The following ABCA5 variants were observed in gnomAD, a reference collection of about 807,000 sequenced individuals.
ABCA5 encodes the protein ATP binding cassette subfamily A member 5.
Under a neutral mutation model 206.0 loss-of-function variants are expected in ABCA5, and 163 were observed. That is an observed-to-expected ratio of 0.79 (90% confidence interval 0.70 to 0.90). ABCA5 has a LOEUF of 0.90. Among genes scored for constraint, ABCA5 ranks in the 40% least tolerant of loss-of-function variants. ABCA5 has a pLI of 0.00. For synonymous variants in ABCA5, 609 were observed against 613.8 expected, an observed-to-expected ratio of 0.99 and a Z score of 0.11; for missense variants, 1,859 against 1,912.9, an observed-to-expected ratio of 0.97 and a Z score of 0.53.
chr17:69,253,916 C>T (rs1217202845), intron 32 of ABCA5, 47 bp from the exon 33 acceptor site: 1 of 1,445,212 alleles, frequency 6.9e-7, no homozygotes, highest in East Asian at 2.3e-5. Flanking sequence ...TATATATAAA[C>T]ACAAATACCA....
At position 69,314,313 on chromosome 17, in the gene ABCA5, C is replaced by T. The variant is rs1023151670; in HGVS notation, c.102+1G>A. On this transcript the variant is annotated splice_donor_variant, in intron 2 of 38. Coordinates refer to ENST00000392676, the MANE Select transcript of ABCA5 (RefSeq NM_172232.4). LOFTEE classifies it high-confidence loss of function. ...GCATAAGAAAGAGTTATTTAACTTA[C>T]CTGAACACTACTCTTTTTGGTTCTG... 1.2e-6 allele frequency: 2 copies of T among 1,603,626 alleles called. No individual in the cohort carries two copies. Among genetic ancestry groups the T allele is most frequent in the Admixed American group, 3.3e-5 (2 of 59,748 alleles).
Position 69,290,022 on chromosome 17 carries a change from T to C in ABCA5, c.1622A>G (p.Tyr541Cys), listed in dbSNP as rs376475787. 3.8e-5 allele frequency: 60 copies of C among 1,591,806 alleles called. No homozygotes were observed. The highest frequency in any genetic ancestry group is 1.1e-4 in the East Asian group (5 of 44,346). The part of the protein sequence containing the change: ...CPPSDGFASI[Y>C]GHRVSEIDEM... ...ATCTATTTCTGAGACTCTGTGTCCA[T>C]ATATAGATGCAAACCCTAAAAGCAA... is the stretch of plus-strand genomic sequence containing the variant. The change falls in exon 13 of 39, where the codon TAT (tyrosine) becomes TGT (cysteine). Residue 541 changes from tyrosine (Y) to cysteine (C), a missense_variant. Tyr to Cys is a radical substitution (Grantham distance 194, BLOSUM62 -2). Transcript: ENST00000392676.
intron 34 of ABCA5, among the ~76,000 whole-genome samples, chr17:69,253,106 G>A (rs1446958104): frequency 2.6e-5 from 4 of 152,058 alleles, no homozygotes; most frequent in East Asian, 3.9e-4. Context: ...GTGTGTAGTA[G>A]GCTATAACCA....
At position 69,287,667 on chromosome 17, in the gene ABCA5, T is replaced by C; in HGVS notation, c.1987A>G (p.Asn663Asp). 6.2e-7 allele frequency: 1 copy of C among 1,613,978 alleles called. No homozygotes were observed. Among genetic ancestry groups the C allele is most frequent in the Non-Finnish European group, 8.5e-7 (1 of 1,179,908 alleles). The part of the protein sequence containing the change: ...VWNLLKYRKA[N>D]RVTVFSTHFM... The stretch of plus-strand genomic sequence containing the variant: ...TGAGTACTGAACACTGTCACCCGAT[T>C]GGCTTTTCTGTATTTTAAAAGATTC... Residue 663 changes from asparagine (N) to aspartate (D), a missense_variant, in exon 15 of 39, where the codon AAT (asparagine) becomes GAT (aspartate). By Grantham distance (23) the Asn-to-Asp change is conservative. Coordinates refer to ENST00000392676, the MANE Select transcript of ABCA5 (RefSeq NM_172232.4).
chr17:69,274,133 A>T lies in ABCA5; in HGVS notation c.2595-5T>A. ...AAAATTAAAAGCAGAAGCAACCTGA[A>T]AAGAAAAAAAAAACAACACAGCTCA... On this transcript the variant is annotated splice_polypyrimidine_tract_variant and splice_region_variant and intron_variant, in intron 19 of 38. Transcript: ENST00000392676. The T allele has an allele frequency of 6.4e-7, 1 of 1,565,542 alleles. No homozygotes were observed. The highest frequency in any genetic ancestry group is 8.6e-7 in the Non-Finnish European group (1 of 1,165,348).
Position 69,267,996 on chromosome 17 carries a change from T to C in ABCA5, c.3091A>G (p.Ile1031Val), listed in dbSNP as rs532229103. ...LYFQAALLGI[I>V]VTAMPPYFAM... is the part of the protein sequence containing the mutation. Reference sequence around the variant, plus strand: ...AAGTAAGGTGGCATTGCAGTAACAATGATTCCAAGCAAAGCTGCTTGAAAA... The same window carrying C: ...AAGTAAGGTGGCATTGCAGTAACAACGATTCCAAGCAAAGCTGCTTGAAAA... The change falls in exon 23 of 39, where the codon ATT becomes GTT. Residue 1031 changes from isoleucine (I) to valine (V), a missense_variant. Transcript: ENST00000392676. 32 of 1,612,400 alleles carry C rather than the reference T, an allele frequency of 2.0e-5. 1 individual carries two copies. The East Asian group carries it at 2.0e-4, about 10-fold the overall frequency.
intron 36 of ABCA5, 116 bp downstream of exon 36, chr17:69,250,356 T>G (rs1242201117): frequency 1.1e-4 from 57 of 542,542 alleles, no homozygotes; most frequent in South Asian, 2.1e-4. Context: ...CACACAGAGA[T>G]ATATATATAT....
chr17:69,289,069 T>G, intron 14 of ABCA5, 108 bp downstream of exon 14: 1 of 1,090,434 alleles, frequency 9.2e-7, no homozygotes, highest in Non-Finnish European at 1.3e-6. Context: ...ACATACAGCA[T>G]TTTATGTACA....
chr17:69,306,354 G>T (rs567116261), intron 6 of ABCA5, among the ~76,000 whole-genome samples: 89 of 152,078 alleles, frequency 5.9e-4, no homozygotes, highest in African/African-American at 2.1e-3. Context: ...ACTGTAACAA[G>T]CAATTAATTT....
At chr17:69,252,075 G>T (rs553754046) in intron 34 of ABCA5, among the ~76,000 whole-genome samples, 2 of 149,036 alleles carry the variant, frequency 1.3e-5, no homozygotes, top group East Asian at 4.0e-4. Context: ...GAAGTGGCCC[G>T]ATCTCGGCTC....
rs764546589 is a variant in ABCA5 at position 69,308,309 on chromosome 17, G to T, written c.529C>A (p.Gln177Lys). ...QYWSSGFTVL[Q>K]ASIDAAIIQL... The stretch of plus-strand genomic sequence containing the variant: ...ATAATGGCAGCATCTATGGATGCTT[G>T]TAAAACTGTGAAACCTGAGGACCAG... Residue 177 changes from glutamine to lysine, a missense_variant, in exon 5 of 39, where the codon CAA becomes AAA. Coordinates refer to ENST00000392676, the MANE Select transcript of ABCA5 (RefSeq NM_172232.4). 1 of 1,611,160 alleles carries T rather than the reference G, an allele frequency of 6.2e-7. No homozygotes were observed. Among genetic ancestry groups the T allele is most frequent in the South Asian group, 1.1e-5 (1 of 90,846 alleles).
chr17:69,266,109 T>C (rs1436367041), intron 23 of ABCA5, among the ~76,000 whole-genome samples: 1 of 152,198 alleles, frequency 6.6e-6, no homozygotes, highest in Non-Finnish European at 1.5e-5. Flanking sequence ...GAATGGATTA[T>C]TGATAAATAC....
At position 69,309,249 on chromosome 17, in the gene ABCA5, T is replaced by C. The variant is rs778942950; in HGVS notation, c.469+13A>G. 4.9e-5 allele frequency: 75 copies of C among 1,536,806 alleles called. No homozygotes were observed. The highest frequency in any genetic ancestry group is 6.1e-5 in the Non-Finnish European group (70 of 1,147,188). Reference sequence around the variant, plus strand: ...ATTTAATTGATCTTCAATGATTATGTAGGGCTATTTACCTCTTGAATCCAT... The same window carrying C: ...ATTTAATTGATCTTCAATGATTATGCAGGGCTATTTACCTCTTGAATCCAT... On this transcript the variant is annotated intron_variant, in intron 4 of 38. Coordinates refer to ENST00000392676, the MANE Select transcript of ABCA5 (RefSeq NM_172232.4).
chr17:69,320,679 A>T (rs537081460), intron 1 of ABCA5, among the ~76,000 whole-genome samples: 1 of 152,332 alleles, frequency 6.6e-6, no homozygotes, highest in South Asian at 2.1e-4. Flanking sequence ...CTAAAACAGA[A>T]ACTTCAAAGC....
Position 69,247,438 on chromosome 17 carries a change from G to T in ABCA5, c.*99C>A. 1 of 735,500 alleles carries T rather than the reference G, an allele frequency of 1.4e-6. No homozygotes were observed. Among genetic ancestry groups the T allele is most frequent in the Non-Finnish European group, 2.3e-6 (1 of 442,236 alleles). 45.6% of individuals were successfully genotyped at this position (735,500 alleles called of 1,614,324 possible). Reference sequence around the variant, plus strand: ...TTAGAAAAATTTCAAGTGCGTTCTTGGTTCTCCAGTTACCATTCCAATAAA... The same window carrying T: ...TTAGAAAAATTTCAAGTGCGTTCTTTGTTCTCCAGTTACCATTCCAATAAA... On this transcript the variant is annotated 3_prime_UTR_variant, in exon 39 of 39. Transcript: ENST00000392676.
chr17:69,245,521 A>T lies in ABCA5; in HGVS notation c.*2016T>A, dbSNP rs1361669612. 1 of 151,958 alleles carries T rather than the reference A, an allele frequency of 6.6e-6. No homozygotes were observed. Among genetic ancestry groups the T allele is most frequent in the Non-Finnish European group, 1.5e-5 (1 of 67,836 alleles). 9.4% of individuals were successfully genotyped at this position (151,958 alleles called of 1,614,324 possible). A position where few individuals can be genotyped will look rare whatever the true frequency, so the allele number is the denominator to read the frequency against. On this transcript the variant is annotated 3_prime_UTR_variant, in exon 39 of 39. Transcript: ENST00000392676. ...GCTCACTTACCCTTGTTTTCCTAAG[A>T]ATTAAGTTATATTTCTCCTGAGTCA...
In ABCA5 at chr17:69,254,398, T is replaced by G; in HGVS notation, c.4161A>C (p.Pro1387=). 1.9e-6 allele frequency: 3 copies of G among 1,613,876 alleles called. No individual in the cohort carries two copies. Among genetic ancestry groups the G allele is most frequent in the Non-Finnish European group, 1.7e-6 (2 of 1,179,864 alleles). The change falls in exon 32 of 39, where the codon CCA becomes CCC. Residue 1387 remains proline (P), a synonymous_variant. Coordinates refer to ENST00000392676, the MANE Select transcript of ABCA5 (RefSeq NM_172232.4). ...CAAAATGTTCCTGCAATGTAGTATC[T>G]GGCCACAAAGGGTTTATCTGAGGAC... ...GYCPQINPLW[P]DTTLQEHFEI...
At chr17:69,307,695 T>C (rs2075732187) in intron 5 of ABCA5, among the ~76,000 whole-genome samples, 1 of 152,104 alleles carries the variant, frequency 6.6e-6, no homozygotes, top group Non-Finnish European at 1.5e-5. Flanking sequence ...AATCATCTCA[T>C]TTGGTTCTTA....
chr17:69,262,620 T>C (rs2075161835), intron 24 of ABCA5, among the ~76,000 whole-genome samples: 1 of 152,230 alleles, frequency 6.6e-6, no homozygotes, highest in African/African-American at 2.4e-5. Context: ...ACACTTTCTT[T>C]ATTCAATCAC....
Sources: gnomAD v4.1 joint callset for allele counts (sites outside exome capture counted in the v4.1 genomes callset) on GRCh38, gnomAD v4.1.1 for gene constraint, MANE v1.5 for transcripts, NCBI Gene and HGNC (gene_info 2026-07-23, HGNC 2026-07-21) for gene names.